PLEKHB2: variants seen among roughly 807,000 people sequenced by gnomAD.
The protein encoded by PLEKHB2 is pleckstrin homology domain-containing family B member 2.
PLEKHB2 carries 31 observed loss-of-function variants against 36.5 expected under a neutral mutation model. The observed-to-expected ratio is 0.85, with a 90% confidence interval of 0.64 to 1.15. The LOEUF (loss-of-function observed/expected upper bound fraction) is 1.15. Among genes scored for constraint, PLEKHB2 ranks in the 50% most tolerant of loss-of-function variants. PLEKHB2 has a pLI of 0.00. For missense variants in PLEKHB2, 262 were observed against 295.3 expected (o/e 0.89, Z 0.83); for synonymous variants, 119 against 112.0 (o/e 1.06, Z -0.39).
chr2:131,131,180 C>T (rs968503406), intron 5 of PLEKHB2, among the ~76,000 whole-genome samples: 1 of 152,184 alleles, frequency 6.6e-6, no homozygotes, highest in African/African-American at 2.4e-5. Context: ...GCAGGTAGTG[C>T]TGGGCAGGGC....
At chr2:131,134,826 T>C (rs1274826851) in intron 6 of PLEKHB2, among the ~76,000 whole-genome samples, 1 of 152,238 alleles carries the variant, frequency 6.6e-6, no homozygotes, top group African/African-American at 2.4e-5. Context: ...GACATCTTTA[T>C]TGAATGTTGA....
At chr2:131,114,412 T>C (rs536441821) in intron 1 of PLEKHB2, among the ~76,000 whole-genome samples, 2 of 152,310 alleles carry the variant, frequency 1.3e-5, no homozygotes, top group African/African-American at 4.8e-5. Flanking sequence ...GCGTGAGCCA[T>C]GGCCCATCCC....
chr2:131,136,794 T>C (rs1260092494), intron 6 of PLEKHB2, among the ~76,000 whole-genome samples: 2 of 151,830 alleles, frequency 1.3e-5, no homozygotes, highest in South Asian at 2.1e-4. Context: ...TGTTTTCTGC[T>C]CTTTTCTTTT....
intron 5 of PLEKHB2, among the ~76,000 whole-genome samples, chr2:131,131,251 C>G (rs947864892): frequency 7.9e-5 from 12 of 152,208 alleles, no homozygotes; most frequent in Non-Finnish European, 1.3e-4. Context: ...GCACCCTGCT[C>G]TTACAGGCAT....
intron 1 of PLEKHB2, among the ~76,000 whole-genome samples, chr2:131,116,344 C>T (rs1278370105): frequency 2.0e-5 from 3 of 152,152 alleles, no homozygotes; most frequent in Non-Finnish European, 2.9e-5. Context: ...CTCAAGGAAA[C>T]ACCAGAGAAA....
chr2:131,142,758 G>A (rs1449827409), intron 7 of PLEKHB2, among the ~76,000 whole-genome samples: 1 of 151,924 alleles, frequency 6.6e-6, no homozygotes, highest in Non-Finnish European at 1.5e-5. Context: ...GTTTCACCCT[G>A]TTGGCCAGGC....
chr2:131,124,848 C>T (rs1048853672), intron 2 of PLEKHB2, among the ~76,000 whole-genome samples: 2 of 151,044 alleles, frequency 1.3e-5, no homozygotes, highest in African/African-American at 2.4e-5. Context: ...GGCAGTGGTG[C>T]GATCTTGGCT....
intron 1 of PLEKHB2, among the ~76,000 whole-genome samples, chr2:131,112,438 A>C (rs1695428511): frequency 6.6e-6 from 1 of 152,236 alleles, no homozygotes; most frequent in Non-Finnish European, 1.5e-5. Context: ...TTAATCAAAC[A>C]CAGGGAGATG....
chr2:131,131,757 C>CTTT lies in PLEKHB2; in HGVS notation c.333+997_333+998insTTT, dbSNP rs370767683. Among the ~76,000 whole-genome samples the CTTT allele has an allele frequency of 1.4e-5, 2 of 145,374 alleles. 1 individual carries two copies. The highest frequency in any genetic ancestry group is 3.0e-5 in the Non-Finnish European group (2 of 67,372). ...GTTACCTTTTCTTCATGAAAATCCCCCTTTTTTTTTTTTTTTTTGGGTAAA... is the reference window on the plus strand; with the variant it reads ...GTTACCTTTTCTTCATGAAAATCCCCTTTCTTTTTTTTTTTTTTTTTGGGTAAA... On this transcript the variant is annotated intron_variant, in intron 5 of 7. Coordinates refer to ENST00000693505, the MANE Select transcript of PLEKHB2 (RefSeq NM_001100623.2).
chr2:131,127,620 T>G (rs773500287), intron 4 of PLEKHB2, among the ~76,000 whole-genome samples: 4 of 152,202 alleles, frequency 2.6e-5, no homozygotes, highest in Non-Finnish European at 5.9e-5. Context: ...TCATCTTCCC[T>G]GAGGGGAAAA....
At chr2:131,113,243 C>T (rs562029637) in intron 1 of PLEKHB2, among the ~76,000 whole-genome samples, 155 of 152,098 alleles carry the variant, frequency 1.0e-3, no homozygotes, top group Non-Finnish European at 1.9e-3. Flanking sequence ...CACCATGCCC[C>T]GCTGATTTTT....
intron 7 of PLEKHB2, chr2:131,144,470 C>A: frequency 8.7e-7 from 1 of 1,145,332 alleles, no homozygotes; most frequent in Non-Finnish European, 1.1e-6. Flanking sequence ...GAGCAGACTT[C>A]TAGATTTGGG....
Position 131,125,837 on chromosome 2 carries a change from A to T in PLEKHB2, c.122A>T (p.Gln41Leu), listed in dbSNP as rs766403569. 4.3e-6 allele frequency: 7 copies of T among 1,613,758 alleles called. No individual in the cohort carries two copies. The Admixed American group carries it at 6.7e-5, about 15-fold the overall frequency. The change falls in exon 3 of 8, where the codon CAG (glutamine) becomes CTG (leucine). Residue 41 changes from glutamine (Q) to leucine (L), a missense_variant. Coordinates refer to ENST00000693505, the MANE Select transcript of PLEKHB2 (RefSeq NM_001100623.2). ...HLIYYDDQTR[Q>L]NIEDKVHMPM... ...ATCTATTATGATGACCAGACTCGGC[A>T]GAATATCGAGGATAAGGTCCACATG...
chr2:131,135,048 T>G (rs1033413816), intron 6 of PLEKHB2, among the ~76,000 whole-genome samples: 31 of 152,174 alleles, frequency 2.0e-4, no homozygotes, highest in African/African-American at 7.0e-4. Flanking sequence ...TTGATTTTTG[T>G]AGGTTGATCT....
chr2:131,133,424 CTG>C (rs1697920880), intron 6 of PLEKHB2, among the ~76,000 whole-genome samples: 1 of 152,326 alleles, frequency 6.6e-6, no homozygotes, highest in Non-Finnish European at 1.5e-5. Flanking sequence ...GTATGTAAGT[CTG>C]TTGTGTGGAA....
chr2:131,141,285 G>A (rs1573629196), intron 7 of PLEKHB2, among the ~76,000 whole-genome samples: 1 of 152,144 alleles, frequency 6.6e-6, no homozygotes, highest in East Asian at 1.9e-4. Flanking sequence ...CAACTAGCAC[G>A]GACTTTGGAG....
At chr2:131,113,151 C>T (rs1190249676) in intron 1 of PLEKHB2, among the ~76,000 whole-genome samples, 2 of 151,734 alleles carry the variant, frequency 1.3e-5, no homozygotes, top group East Asian at 3.9e-4. Context: ...GGTGTGATCA[C>T]GGCTCACTGC....
At chr2:131,115,270 A>G (rs1199471523) in intron 1 of PLEKHB2, among the ~76,000 whole-genome samples, 2 of 149,978 alleles carry the variant, frequency 1.3e-5, no homozygotes, top group Non-Finnish European at 3.0e-5. Context: ...CACTGTTGAC[A>G]TGTGGGGATT....
At position 131,140,199 on chromosome 2, in the gene PLEKHB2, G is replaced by A. The variant is rs556095615; in HGVS notation, c.456G>A (p.Ala152=). 56 of 1,613,130 alleles carry A rather than the reference G, an allele frequency of 3.5e-5. No homozygotes were observed. Among genetic ancestry groups the A allele is most frequent in the Middle Eastern group, 1.7e-4 (1 of 6,056 alleles). ...QAYGYGPYGG[A]YPPGTQVVYA... Reference sequence around the variant, plus strand: ...ATGGCTATGGGCCATACGGTGGTGCGTACCCGCCAGGAACTCAAGTTGTCT... The same window carrying A: ...ATGGCTATGGGCCATACGGTGGTGCATACCCGCCAGGAACTCAAGTTGTCT... Residue 152 remains alanine (A), a synonymous_variant, in exon 7 of 8, where the codon GCG becomes GCA. Transcript: ENST00000693505.
Sources: gnomAD v4.1 joint callset for allele counts (sites outside exome capture counted in the v4.1 genomes callset) on GRCh38, gnomAD v4.1.1 for gene constraint, MANE v1.5 for transcripts, NCBI Gene and HGNC (gene_info 2026-07-23, HGNC 2026-07-21) for gene names.